The following AGBL1 variants were observed in gnomAD, a reference collection of about 807,000 sequenced individuals.
The protein encoded by AGBL1 is AGBL carboxypeptidase 1.
AGBL1 carries 130 observed loss-of-function variants against 118.9 expected under a neutral mutation model. That is an observed-to-expected ratio of 1.09 (90% CI 0.95 to 1.26). The LOEUF (loss-of-function observed/expected upper bound fraction) is 1.26, where lower values mean the gene tolerates loss of function less well. Ranked by LOEUF, AGBL1 falls within the 50% of genes most tolerant of loss-of-function variation. AGBL1 has a pLI of 0.00. For synonymous variants in AGBL1, 555 were observed against 478.9 expected, an observed-to-expected ratio of 1.16 and a Z score of -2.08; for missense variants, 1,584 against 1,298.1, an observed-to-expected ratio of 1.22 and a Z score of -3.38.
At chr15:86,646,899 A>G (rs2085288024) in intron 21 of AGBL1, among the ~76,000 whole-genome samples, 1 of 152,232 alleles carries the variant, frequency 6.6e-6, no homozygotes, top group African/African-American at 2.4e-5. Flanking sequence ...TTAAAAATCA[A>G]CACTTAATTA....
At chr15:86,749,067 G>T (rs1198389271) in intron 22 of AGBL1, among the ~76,000 whole-genome samples, 1 of 152,134 alleles carries the variant, frequency 6.6e-6, no homozygotes, top group Non-Finnish European at 1.5e-5. Context: ...GTAGCTTGAT[G>T]GGGATGGGAT....
At chr15:86,627,067 C>G (rs562376003) in intron 21 of AGBL1, among the ~76,000 whole-genome samples, 1 of 151,912 alleles carries the variant, frequency 6.6e-6, no homozygotes, top group East Asian at 1.9e-4. Context: ...ATGGCGCAAT[C>G]TTGGCTCACC....
intron 22 of AGBL1, among the ~76,000 whole-genome samples, chr15:86,835,915 C>A (rs1444661782): frequency 1.3e-5 from 2 of 152,118 alleles, no homozygotes; most frequent in Non-Finnish European, 2.9e-5. Flanking sequence ...CATCTTCTTT[C>A]ATTCACACAG....
intron 22 of AGBL1, among the ~76,000 whole-genome samples, chr15:86,875,623 A>T (rs1030914988): frequency 7.9e-5 from 12 of 152,222 alleles, no homozygotes; most frequent in Non-Finnish European, 1.3e-4. Flanking sequence ...TGTTTTCCAT[A>T]GGAAAGAAAT....
chr15:86,189,031 T>C (rs1205914257), intron 5 of AGBL1, among the ~76,000 whole-genome samples: 1 of 152,308 alleles, frequency 6.6e-6, no homozygotes, highest in East Asian at 1.9e-4. Flanking sequence ...GCCTCAATTT[T>C]TGGAAATAAG....
rs16977935 is a variant in AGBL1, at chr15:86,688,056, T to C, written c.3158+13620T>C. Among the ~76,000 whole-genome samples, 614 of 152,272 alleles carry C rather than the reference T, an allele frequency of 4.0e-3. 3 individuals are homozygous for C. The highest frequency in any genetic ancestry group is 0.014 in the African/African-American group (583 of 41,570). ...CAGGGCATGAAATGAGAACAGAGTA[T>C]GAAACTTCCTTAAAAAGTTGGAATT... On this transcript the variant is annotated intron_variant, in intron 22 of 22. Transcript: ENST00000614907.
Position 86,579,417 on chromosome 15 carries a change from G to A in AGBL1, c.2994+24880G>A, listed in dbSNP as rs185915688. Among the ~76,000 whole-genome samples, 14 of 152,258 alleles carry A rather than the reference G, an allele frequency of 9.2e-5. No homozygotes were observed. In the East Asian group the frequency reaches 1.7e-3, roughly 19 times the overall value. On this transcript the variant is annotated intron_variant, in intron 21 of 22. Coordinates refer to ENST00000614907, the MANE Select transcript of AGBL1 (RefSeq NM_001386094.1). ...AATGTGAATTATGACTGTTAAAAAC[G>A]TGAATGTGATATTAGATTATGTTAA... is the stretch of plus-strand genomic sequence containing the variant.
At chr15:86,274,874 C>T (rs2079221383) in intron 15 of AGBL1, among the ~76,000 whole-genome samples, 1 of 152,108 alleles carries the variant, frequency 6.6e-6, no homozygotes, top group Non-Finnish European at 1.5e-5. Flanking sequence ...CTAATATTTT[C>T]TGCCTGTGGT....
chr15:86,315,560 A>C (rs1023055816), intron 17 of AGBL1, among the ~76,000 whole-genome samples: 1 of 150,612 alleles, frequency 6.6e-6, no homozygotes, highest in Non-Finnish European at 1.5e-5. Flanking sequence ...CTAATAATAC[A>C]AAAAAAAACT....
At chr15:86,775,462 G>A (rs543673204) in intron 22 of AGBL1, among the ~76,000 whole-genome samples, 75 of 152,198 alleles carry the variant, frequency 4.9e-4, no homozygotes, top group African/African-American at 1.8e-3. Context: ...AAATCTATTG[G>A]TGCATCTTAG....
chr15:86,540,731 G>A (rs1483622612), intron 19 of AGBL1, among the ~76,000 whole-genome samples: 1 of 152,132 alleles, frequency 6.6e-6, no homozygotes, highest in Non-Finnish European at 1.5e-5. Flanking sequence ...TAAATAATTG[G>A]ATAATTGCCT....
At chr15:86,136,940 A>AT (rs1313067833) in intron 1 of AGBL1, among the ~76,000 whole-genome samples, 2 of 152,086 alleles carry the variant, frequency 1.3e-5, no homozygotes, top group Non-Finnish European at 2.9e-5. Flanking sequence ...TGGTAGATAC[A>AT]TTTTTTTATA....
At chr15:86,279,927 T>G (rs2079322679) in intron 16 of AGBL1, 144 bp downstream of exon 16, 1 of 1,113,598 alleles carries the variant, frequency 9.0e-7, no homozygotes, top group Non-Finnish European at 1.3e-6. Flanking sequence ...GGAGCCAGGT[T>G]TTGTTGTTAC....
chr15:86,346,275 C>T (rs1229705487), intron 17 of AGBL1, among the ~76,000 whole-genome samples: 4 of 152,090 alleles, frequency 2.6e-5, no homozygotes, highest in South Asian at 4.1e-4. Context: ...AGCCACTGTG[C>T]CCAGCCCATA....
At chr15:86,386,174 C>T (rs1382151974) in intron 17 of AGBL1, among the ~76,000 whole-genome samples, 1 of 804 alleles carries the variant, frequency 1.2e-3, no homozygotes, top group Admixed American at 8.9e-3. Flanking sequence ...CCCCCTCCTC[C>T]CCCTCCCTCT....
At chr15:86,672,034 T>C (rs755324489) in intron 21 of AGBL1, among the ~76,000 whole-genome samples, 6 of 152,200 alleles carry the variant, frequency 3.9e-5, no homozygotes, top group Non-Finnish European at 1.5e-5. Flanking sequence ...ATAGCGCCAC[T>C]GTACTCCAGC....
Position 86,286,735 on chromosome 15 carries a change from G to GTGTATATATATATATATATA in AGBL1, c.2220+6953_2220+6954insGTATATATATATATATATAT. On this transcript the variant is annotated intron_variant, in intron 16 of 22. Coordinates refer to ENST00000614907, the MANE Select transcript of AGBL1 (RefSeq NM_001386094.1). ...TATATGTGTGTGTGTGTTTGTGTGT[G>GTGTATATATATATATATATA]TATATATATATATAAAACTCCATCA... 4.6e-4 allele frequency among the ~76,000 whole-genome samples: 49 copies of GTGTATATATATATATATATA among 106,288 alleles called. 6 individuals are homozygous for GTGTATATATATATATATATA. Among genetic ancestry groups the GTGTATATATATATATATATA allele is most frequent in the Middle Eastern group, 5.2e-3 (1 of 192 alleles). 69.7% of individuals were successfully genotyped at this position (106,288 alleles called of 152,430 possible).
chr15:86,836,503 C>G (rs1033391872), intron 22 of AGBL1, among the ~76,000 whole-genome samples: 1 of 152,202 alleles, frequency 6.6e-6, no homozygotes, highest in East Asian at 1.9e-4. Flanking sequence ...CTTTCAGATT[C>G]TACTTTTTCT....
intron 17 of AGBL1, among the ~76,000 whole-genome samples, chr15:86,322,844 C>T (rs12438528): frequency 0.52 from 78,854 of 151,900 alleles, 20,701 homozygotes; most frequent in Middle Eastern, 0.6. Flanking sequence ...AGCACTGGAG[C>T]CAAGTGCAGT....
Sources: gnomAD v4.1 joint callset for allele counts (sites outside exome capture counted in the v4.1 genomes callset) on GRCh38, gnomAD v4.1.1 for gene constraint, MANE v1.5 for transcripts, NCBI Gene and HGNC (gene_info 2026-07-23, HGNC 2026-07-21) for gene names.